Variants in UNK observed in about 807,000 individuals in gnomAD.
UNK encodes the protein unk zinc finger, also known as RING finger protein unkempt homolog.
Under a neutral mutation model 97.6 loss-of-function variants are expected in UNK, and 32 were observed. The observed-to-expected ratio is 0.33, with a 90% CI of 0.25 to 0.44. The LOEUF (loss-of-function observed/expected upper bound fraction) is 0.44. Among genes scored for constraint, UNK ranks in the 20% least tolerant of loss-of-function variants. The pLI is 1.00. For missense variants in UNK, 771 were observed against 1,098.4 expected (o/e 0.70, Z 4.21); for synonymous variants, 441 against 461.2 (o/e 0.96, Z 0.56).
rs2062100029 is a variant in UNK, at chr17:75,824,470, A to T, written c.*53A>T. 1.7e-6 allele frequency: 2 copies of T among 1,192,954 alleles called. No homozygotes were observed. Among genetic ancestry groups the T allele is most frequent in the Non-Finnish European group, 1.1e-6 (1 of 926,380 alleles). The allele number at this position is 1,192,954 out of a possible 1,614,324, so 73.9% of individuals were successfully genotyped here. ...AGATCTTCTCACCTAGGACTTTTTA[A>T]AGTATATATATATATATGAATATAT... On this transcript the variant is annotated 3_prime_UTR_variant, in exon 16 of 16. Transcript: ENST00000589666. The surrounding 1 kb of genome is among the most constrained non-coding windows in gnomAD (Gnocchi z 4.9).
chr17:75,810,460 A>G (rs2061958515), intron 2 of UNK, among the ~76,000 whole-genome samples: 1 of 149,008 alleles, frequency 6.7e-6, no homozygotes, highest in Non-Finnish European at 1.5e-5. Context: ...GGAGTGTCAC[A>G]CTAATGACAG....
intron 4 of UNK, 78 bp from the exon 5 acceptor site, chr17:75,813,000 C>T (rs977056463): frequency 6.8e-7 from 1 of 1,477,122 alleles, no homozygotes; most frequent in Non-Finnish European, 9.0e-7. Context: ...GCTTCTCCTT[C>T]CCTCCACTCC....
chr17:75,812,508 G>T lies in UNK; in HGVS notation c.545G>T (p.Ser182Ile), dbSNP rs748427509. 4.3e-5 allele frequency: 70 copies of T among 1,612,636 alleles called. No individual in the cohort carries two copies. The highest frequency in any genetic ancestry group is 5.8e-5 in the Non-Finnish European group (69 of 1,179,782). ...LQNGQTTVEG[S>I]IEGQSAGAAS... ...AATGGCCAGACCACGGTAGAGGGGA[G>T]CATAGAGGGCCAGTCGGCTGGGGCT... The change falls in exon 4 of 16, where the codon AGC becomes ATC. Residue 182 changes from serine (S) to isoleucine (I), a missense_variant. Ser to Ile is a moderately radical substitution (Grantham distance 142, BLOSUM62 -2). Transcript: ENST00000589666.
rs552741666 is a variant in UNK at position 75,785,058 on chromosome 17, G to A, written c.104+74G>A. The A allele has an allele frequency of 5.0e-5, 57 of 1,142,006 alleles. No individual in the cohort carries two copies. The South Asian group carries it at 9.5e-4, about 19-fold the overall frequency. The allele number at this position is 1,142,006 out of a possible 1,614,324, so 70.7% of individuals were successfully genotyped here. A position where few individuals can be genotyped will look rare whatever the true frequency, so the allele number is the denominator to read the frequency against. ...CGGCCAGCGTGAGTCACGCGCGCAG[G>A]GAGAGCGCGAGGCGGCCTCTTCCTC... On this transcript the variant is annotated intron_variant, in intron 1 of 15. Transcript: ENST00000589666.
intron 1 of UNK, among the ~76,000 whole-genome samples, chr17:75,806,020 T>C (rs752435540): frequency 6.7e-6 from 1 of 149,460 alleles, no homozygotes; most frequent in Non-Finnish European, 1.5e-5. Flanking sequence ...ACTGAGGCGC[T>C]TGAACCCCAG....
At chr17:75,820,547 C>T (rs546046260) in intron 13 of UNK, among the ~76,000 whole-genome samples, 2 of 152,276 alleles carry the variant, frequency 1.3e-5, no homozygotes, top group African/African-American at 4.8e-5. Context: ...ACAGGTTAAC[C>T]CCTGGCTTCG....
intron 1 of UNK, chr17:75,793,344 A>G (rs2061778941): frequency 7.9e-6 from 7 of 888,898 alleles, no homozygotes; most frequent in Non-Finnish European, 8.1e-6. Context: ...ATTTAAAATG[A>G]TATCAATGGC....
chr17:75,812,367 A>C, intron 3 of UNK, 79 bp downstream of exon 3: 1 of 1,580,806 alleles, frequency 6.3e-7, no homozygotes, highest in Non-Finnish European at 8.6e-7. Flanking sequence ...GATGGTGAGT[A>C]CCTCAGACTG....
intron 4 of UNK, 47 bp from the exon 5 acceptor site, chr17:75,813,031 G>A: frequency 6.5e-7 from 1 of 1,536,092 alleles, no homozygotes; most frequent in Non-Finnish European, 8.8e-7. Context: ...GTCTTGGGGT[G>A]CTCCAGCTCC....
chr17:75,815,350 C>A, intron 7 of UNK, 97 bp downstream of exon 7: 1 of 1,164,822 alleles, frequency 8.6e-7, no homozygotes, highest in East Asian at 2.4e-5. Context: ...TGGCAGTATG[C>A]CCTGCACAGG....
chr17:75,788,101 C>T (rs185565864), intron 1 of UNK, among the ~76,000 whole-genome samples: 5 of 152,010 alleles, frequency 3.3e-5, no homozygotes, highest in Admixed American at 2.0e-4. Context: ...AATAATTGAT[C>T]ATTGATAATA....
chr17:75,810,638 G>GGCA (rs1435912405), intron 2 of UNK, among the ~76,000 whole-genome samples: 1 of 152,028 alleles, frequency 6.6e-6, no homozygotes, highest in Non-Finnish European at 1.5e-5. Flanking sequence ...GGAGTGCAGT[G>GGCA]GCAGCATCCT....
chr17:75,812,664 C>G, intron 4 of UNK, 79 bp downstream of exon 4: 1 of 1,540,286 alleles, frequency 6.5e-7, no homozygotes, highest in African/African-American at 1.4e-5. Context: ...TCACCACCAC[C>G]TACTGCCTGC....
At chr17:75,799,262 C>T (rs2061834997) in intron 1 of UNK, among the ~76,000 whole-genome samples, 1 of 152,100 alleles carries the variant, frequency 6.6e-6, no homozygotes, top group Non-Finnish European at 1.5e-5. Flanking sequence ...CCTGTAATTG[C>T]ACTACTGCAC....
chr17:75,810,003 G>C (rs375142607), intron 2 of UNK, 34 bp downstream of exon 2: 89 of 1,609,746 alleles, frequency 5.5e-5, no homozygotes, highest in Non-Finnish European at 7.5e-5. Flanking sequence ...GAGGAGCCCC[G>C]TGTCTCCTTC....
Position 75,818,214 on chromosome 17 carries a change from G to A in UNK, c.1371+46G>A. The A allele has an allele frequency of 1.2e-6, 2 of 1,607,940 alleles. No homozygotes were observed. The highest frequency in any genetic ancestry group is 1.1e-5 in the South Asian group (1 of 90,692). ...TTCCTCCCCTCTGCTGTGGACAGGA[G>A]TGGCCCAGAACCCCAGGAGGCTTCG... On this transcript the variant is annotated intron_variant, in intron 10 of 15. Coordinates refer to ENST00000589666, the MANE Select transcript of UNK (RefSeq NM_001080419.3). The surrounding 1 kb of genome is among the most constrained non-coding windows in gnomAD (Gnocchi z 5.1).
rs983767374 is a variant in UNK, at chr17:75,818,681, T to C, written c.1411T>C (p.Ser471Pro). The change falls in exon 11 of 16, where the codon TCA (serine) becomes CCA (proline). Residue 471 changes from serine (S) to proline (P), a missense_variant. Around this residue, in one of 5 missense-constraint regions of UNK, gnomAD observed 192 missense variants for 202.4 expected, o/e 0.95. Coordinates refer to ENST00000589666, the MANE Select transcript of UNK (RefSeq NM_001080419.3). This position sits in a 1 kb window ranked among gnomAD's most constrained non-coding sequence, Gnocchi z 5.1. ...GILPAGSPLT[S>P]SISSSITSSL... The stretch of plus-strand genomic sequence containing the variant: ...CCTCCCCGCAGGCAGCCCCCTGACC[T>C]CAAGCATCTCTTCTAGTATCACCTC... 1 of 1,610,012 alleles carries C rather than the reference T, an allele frequency of 6.2e-7. No homozygotes were observed. Among genetic ancestry groups the C allele is most frequent in the Non-Finnish European group, 8.5e-7 (1 of 1,177,828 alleles).
intron 1 of UNK, chr17:75,794,057 T>C (rs987165671): frequency 1.0e-6 from 1 of 985,116 alleles, no homozygotes; most frequent in Non-Finnish European, 1.2e-6. Context: ...TCAGACCATC[T>C]AAATATAATA....
At chr17:75,792,258 A>G (rs1015070008) in intron 1 of UNK, 22 of 978,368 alleles carry the variant, frequency 2.2e-5, no homozygotes, top group Non-Finnish European at 2.7e-5. Context: ...ACACTGGGCA[A>G]TATTTGCTTA....
Sources: allele counts gnomAD v4.1 joint callset (sites outside exome capture counted in the v4.1 genomes callset), GRCh38; gene constraint gnomAD v4.1.1; regional missense constraint gnomAD v4.1.1; non-coding constraint Gnocchi (gnomAD v3.1); transcripts MANE v1.5; gene names NCBI Gene and HGNC (gene_info 2026-07-23, HGNC 2026-07-21).